NHSL1: variants seen among roughly 807,000 people sequenced by gnomAD.
NHSL1 encodes NHS like 1.
In NHSL1, 48 loss-of-function variants were observed where a neutral mutation model predicts 95.0. That is an observed-to-expected ratio of 0.51 (90% confidence interval 0.40 to 0.64). NHSL1 has a LOEUF of 0.64. Ranked by LOEUF, NHSL1 falls within the 30% of genes least tolerant of loss-of-function variation. The pLI, the probability that NHSL1 is intolerant of heterozygous loss-of-function variation, is 0.00. For synonymous variants in NHSL1, 783 were observed against 833.9 expected (o/e 0.94, Z 1.05); for missense variants, 1,971 against 2,077.7 (o/e 0.95, Z 1.00).
chr6:138,550,544 G>C (rs549957993), upstream of NHSL1, among the ~76,000 whole-genome samples: 1 of 152,250 alleles, frequency 6.6e-6, no homozygotes, highest in East Asian at 1.9e-4. Flanking sequence ...CTCCCTTGTA[G>C]GATTACAACA....
chr6:138,426,685 G>A (rs929661938), intron 7 of NHSL1, among the ~76,000 whole-genome samples: 1 of 152,122 alleles, frequency 6.6e-6, no homozygotes, highest in African/African-American at 2.4e-5. Flanking sequence ...TGTTCCTGGC[G>A]TCATCTCCAT....
At chr6:138,621,179 C>T (rs917388507) in intron 1 of NHSL1, among the ~76,000 whole-genome samples, 7 of 152,228 alleles carry the variant, frequency 4.6e-5, no homozygotes, top group South Asian at 4.2e-4. Context: ...AAAGAGATTG[C>T]TGAAAAGGGT....
At chr6:138,566,637 T>G (rs990013667) in intron 1 of NHSL1, among the ~76,000 whole-genome samples, 2 of 150,586 alleles carry the variant, frequency 1.3e-5, no homozygotes, top group Non-Finnish European at 3.0e-5. Flanking sequence ...TCAAAACAAA[T>G]GCACAAAGTT....
intron 3 of NHSL1, among the ~76,000 whole-genome samples, chr6:138,466,604 C>G (rs2128240320): frequency 6.6e-6 from 1 of 152,254 alleles, no homozygotes; most frequent in East Asian, 1.9e-4. Context: ...AGCATAATGA[C>G]ATTTCAGTCA....
chr6:138,557,120 G>C (rs1180892624), intron 1 of NHSL1, among the ~76,000 whole-genome samples: 2 of 152,154 alleles, frequency 1.3e-5, no homozygotes, highest in East Asian at 3.8e-4. Context: ...AAAACACTGG[G>C]ATGGCCAAAT....
chr6:138,649,945 A>T (rs1320988430), intron 1 of NHSL1, among the ~76,000 whole-genome samples: 1 of 152,012 alleles, frequency 6.6e-6, no homozygotes, highest in African/African-American at 2.4e-5. Context: ...CACAAGACAG[A>T]CTCAACAAAT....
intron 1 of NHSL1, among the ~76,000 whole-genome samples, chr6:138,635,149 C>A (rs1483337434): frequency 3.4e-5 from 5 of 149,088 alleles, no homozygotes; most frequent in Middle Eastern, 3.3e-3. Context: ...CAAACCAAAC[C>A]CAAAATTCCT....
At chr6:138,517,541 A>G (rs994717736) in intron 1 of NHSL1, among the ~76,000 whole-genome samples, 6 of 152,238 alleles carry the variant, frequency 3.9e-5, no homozygotes, top group African/African-American at 1.4e-4. Flanking sequence ...TTACTGAAAC[A>G]AGACAGCCAG....
chr6:138,624,579 G>C (rs558658880), intron 1 of NHSL1, among the ~76,000 whole-genome samples: 6 of 152,058 alleles, frequency 3.9e-5, no homozygotes, highest in Non-Finnish European at 8.8e-5. Flanking sequence ...CAGAACAATG[G>C]GTGTCCCATT....
intron 1 of NHSL1, among the ~76,000 whole-genome samples, chr6:138,653,956 T>G (rs1785124582): frequency 1.3e-5 from 2 of 152,290 alleles, no homozygotes; most frequent in South Asian, 4.1e-4. Context: ...CAACCACAGT[T>G]TGGAAAATAC....
intron 1 of NHSL1, among the ~76,000 whole-genome samples, chr6:138,627,749 C>T (rs1034603479): frequency 1.3e-5 from 2 of 151,902 alleles, no homozygotes; most frequent in African/African-American, 2.4e-5. Context: ...GGCGTGGTGG[C>T]GGGCGCCTGT....
chr6:138,636,235 C>A (rs1287484872), intron 1 of NHSL1, among the ~76,000 whole-genome samples: 3 of 151,742 alleles, frequency 2.0e-5, no homozygotes, highest in Non-Finnish European at 2.9e-5. Context: ...TGATAAACAC[C>A]TTCAAAAAAA....
In NHSL1 at chr6:138,692,006, G is replaced by A; in HGVS notation, c.96+470C>T. The stretch of plus-strand genomic sequence containing the variant: ...AAGAGAGGTGGCAAGCAGCCCCAAC[G>A]CTCGCCGAGATCCCCAGGGTTTTAC... On this transcript the variant is annotated intron_variant, in intron 1 of 3. Transcript: ENST00000491526. The surrounding 1 kb of genome is among the most constrained non-coding windows in gnomAD (Gnocchi z 4.0). 2.2e-6 allele frequency: 1 copy of A among 456,672 alleles called. No homozygotes were observed. Among genetic ancestry groups the A allele is most frequent in the Admixed American group, 2.3e-5 (1 of 42,580 alleles). 28.3% of individuals were successfully genotyped at this position (456,672 alleles called of 1,614,324 possible).
intron 1 of NHSL1, among the ~76,000 whole-genome samples, chr6:138,570,176 T>C (rs1160276604): frequency 6.6e-6 from 1 of 152,244 alleles, no homozygotes; most frequent in Non-Finnish European, 1.5e-5. Context: ...TACAGCCTCA[T>C]GCTCACATGT....
intron 1 of NHSL1, among the ~76,000 whole-genome samples, chr6:138,690,921 G>A (rs1785657749): frequency 6.6e-6 from 1 of 152,172 alleles, no homozygotes; most frequent in Non-Finnish European, 1.5e-5. Flanking sequence ...AACCAAACTA[G>A]TAAAGGAAGG....
chr6:138,586,971 G>A (rs1020987322), intron 1 of NHSL1, among the ~76,000 whole-genome samples: 11 of 151,938 alleles, frequency 7.2e-5, no homozygotes, highest in East Asian at 3.9e-4. Flanking sequence ...CTCGTTGGGC[G>A]CGTGTGTTTT....
chr6:138,675,659 C>G (rs567607613), intron 1 of NHSL1, among the ~76,000 whole-genome samples: 4 of 152,208 alleles, frequency 2.6e-5, no homozygotes, highest in Non-Finnish European at 4.4e-5. Flanking sequence ...CTCAGCCCCC[C>G]AAATAGCTGG....
chr6:138,591,410 CTCTT>C (rs1291415953), intron 1 of NHSL1, among the ~76,000 whole-genome samples: 2 of 152,104 alleles, frequency 1.3e-5, no homozygotes, highest in African/African-American at 2.4e-5. Context: ...CATAAGTTTT[CTCTT>C]TTTTTCTTTT....
chr6:138,478,586 C>G (rs374923298), intron 2 of NHSL1, among the ~76,000 whole-genome samples: 2 of 152,082 alleles, frequency 1.3e-5, no homozygotes, highest in Non-Finnish European at 2.9e-5. Context: ...CAAGCCATCA[C>G]GAATAAGCAA....
Sources: allele counts gnomAD v4.1 joint callset (sites outside exome capture counted in the v4.1 genomes callset), GRCh38; gene constraint gnomAD v4.1.1; non-coding constraint Gnocchi (gnomAD v3.1); transcripts MANE v1.5; gene names NCBI Gene and HGNC (gene_info 2026-07-23, HGNC 2026-07-21).